The following SSC4D variants were observed in gnomAD, a reference collection of about 807,000 sequenced individuals.
The protein encoded by SSC4D is scavenger receptor cysteine rich family member with 4 domains.
In SSC4D, 57 loss-of-function variants were observed where a neutral mutation model predicts 63.4. The observed-to-expected ratio is 0.90, with a 90% CI of 0.73 to 1.12. The LOEUF (loss-of-function observed/expected upper bound fraction) is 1.12, where lower values mean the gene tolerates loss of function less well. Among genes scored for constraint, SSC4D ranks in the 50% most tolerant of loss-of-function variants. The pLI is 0.00. For synonymous variants in SSC4D, 352 were observed against 345.4 expected (o/e 1.02, Z -0.21); for missense variants, 791 against 806.4 (o/e 0.98, Z 0.23).
intron 4 of SSC4D, 114 bp from the exon 5 acceptor site, chr7:76,398,911 GC>G: frequency 2.9e-6 from 3 of 1,040,964 alleles, no homozygotes; most frequent in Non-Finnish European, 4.3e-6. Flanking sequence ...AGAGCCTCTG[GC>G]CACACAAAGA....
Position 76,401,426 on chromosome 7 carries a change from C to A in SSC4D, c.134-383G>T, listed in dbSNP as rs933926743. On this transcript the variant is annotated intron_variant, in intron 2 of 10. Coordinates refer to ENST00000275560, the MANE Select transcript of SSC4D (RefSeq NM_080744.2). ...AGCCTCGCCTTTTTTCTTTTCTTTT[C>A]TTTTTTTGAGACAAAGTCTCACTCT... 2.1e-5 allele frequency among the ~76,000 whole-genome samples: 3 copies of A among 142,302 alleles called. No homozygotes were observed. The South Asian group carries it at 7.0e-4, about 33-fold the overall frequency. The allele number at this position is 142,302 out of a possible 152,430, so 93.4% of individuals were successfully genotyped here. A position where few individuals can be genotyped will look rare whatever the true frequency, so the allele number is the denominator to read the frequency against.
In SSC4D at chr7:76,398,784, C is replaced by T. The variant is rs373855717; in HGVS notation, c.489G>A (p.Thr163=). The T allele has an allele frequency of 4.3e-6, 7 of 1,612,458 alleles. No homozygotes were observed. In the African/African-American group the frequency reaches 6.7e-5, roughly 15 times the overall value. ...VAVLCDEFLP[T]QPPTRKMLTS... ...TTAACATCTTCCTTGTTGGGGGCTG[C>T]GTTGGCAAGAATTCTGGAAAGGAAG... Residue 163 remains threonine, a synonymous_variant, in exon 5 of 11, where the codon ACG becomes ACA. Transcript: ENST00000275560.
intron 10 of SSC4D, among the ~76,000 whole-genome samples, chr7:76,391,673 TCCCAGAA>T (rs904751379): frequency 1.3e-5 from 2 of 152,078 alleles, no homozygotes; most frequent in Admixed American, 1.3e-4. Flanking sequence ...CCCCCTGGGC[TCCCAGAA>T]CTATATTCTG....
chr7:76,390,952 T>C (rs1161601475), intron 10 of SSC4D, among the ~76,000 whole-genome samples: 1 of 151,932 alleles, frequency 6.6e-6, no homozygotes, highest in Non-Finnish European at 1.5e-5. Context: ...CAAGACCCTG[T>C]CTCTAAAAAC....
intron 1 of SSC4D, among the ~76,000 whole-genome samples, chr7:76,407,074 C>T (rs1160521052): frequency 6.6e-6 from 1 of 152,058 alleles, no homozygotes; most frequent in Non-Finnish European, 1.5e-5. Flanking sequence ...AATTCTTCTG[C>T]CTCAGCCTCC....
chr7:76,395,142 C>CCCTG, intron 7 of SSC4D, 111 bp downstream of exon 7: 1 of 1,270,646 alleles, frequency 7.9e-7, no homozygotes, highest in South Asian at 1.3e-5. Flanking sequence ...CTGGCCAAAG[C>CCCTG]CCTGGCCTGT....
intron 1 of SSC4D, 81 bp from the exon 2 acceptor site, chr7:76,404,586 G>A: frequency 8.1e-7 from 1 of 1,232,786 alleles, no homozygotes; most frequent in Admixed American, 1.9e-5. Flanking sequence ...GCACCCAGGG[G>A]TTTGAGATCA....
chr7:76,395,449 G>T (rs2115754344), intron 6 of SSC4D, 119 bp from the exon 7 acceptor site: 2 of 1,042,142 alleles, frequency 1.9e-6, no homozygotes, highest in South Asian at 1.4e-5. Flanking sequence ...GTTACTTCCA[G>T]GGCTGGTGGC....
Position 76,397,851 on chromosome 7 carries a change from G to T in SSC4D, c.554-19C>A. ...CCCTCACCTGGGGATGGGGGCGGGG[G>T]TCAGGGCGCATCTCCCACTGGCCTC... is the stretch of plus-strand genomic sequence containing the variant. On this transcript the variant is annotated intron_variant, in intron 5 of 10. Coordinates refer to ENST00000275560, the MANE Select transcript of SSC4D (RefSeq NM_080744.2). 6.6e-7 allele frequency: 1 copy of T among 1,516,976 alleles called. No individual in the cohort carries two copies. Among genetic ancestry groups the T allele is most frequent in the Non-Finnish European group, 8.9e-7 (1 of 1,127,800 alleles). The allele number at this position is 1,516,976 out of a possible 1,614,324, so 94.0% of individuals were successfully genotyped here. A position where few individuals can be genotyped will look rare whatever the true frequency, so the allele number is the denominator to read the frequency against.
intron 1 of SSC4D, among the ~76,000 whole-genome samples, chr7:76,408,094 G>C (rs754231241): frequency 3.3e-5 from 5 of 152,172 alleles, no homozygotes; most frequent in Non-Finnish European, 7.3e-5. Flanking sequence ...AGGAGGCGGC[G>C]GTAGAGAGGA....
chr7:76,390,829 A>T (rs1804480639), intron 10 of SSC4D, among the ~76,000 whole-genome samples: 1 of 151,698 alleles, frequency 6.6e-6, no homozygotes, highest in East Asian at 1.9e-4. Flanking sequence ...AAAAACAAAA[A>T]AGAAGATTGG....
At chr7:76,407,873 C>G (rs57966166) in intron 1 of SSC4D, among the ~76,000 whole-genome samples, 64,389 of 152,044 alleles carry the variant, frequency 0.42, 13,846 homozygotes, top group South Asian at 0.53. Flanking sequence ...GCATTGTGTG[C>G]ACTGTGGACT....
At position 76,400,573 on chromosome 7, in the gene SSC4D, C is replaced by A; in HGVS notation, c.188G>T (p.Gly63Val). ...CAGGCGGCCCCGGCAGCGGCTGGGG[C>A]CCCCCACCAGCCTCAGCTCTGTGAA... The part of the protein sequence containing the change: ...LPFQELRLVG[G>V]PSRCRGRLEV... Residue 63 changes from glycine to valine, a missense_variant, in exon 4 of 11, where the codon GGC becomes GTC. Transcript: ENST00000275560. The A allele has an allele frequency of 6.8e-7, 1 of 1,480,768 alleles. No homozygotes were observed. The highest frequency in any genetic ancestry group is 9.0e-7 in the Non-Finnish European group (1 of 1,111,504). 91.7% of individuals were successfully genotyped at this position (1,480,768 alleles called of 1,614,324 possible).
intron 7 of SSC4D, among the ~76,000 whole-genome samples, 158 bp from the exon 8 acceptor site, chr7:76,394,062 G>A (rs943905132): frequency 2.6e-5 from 4 of 152,076 alleles, no homozygotes; most frequent in Non-Finnish European, 4.4e-5. Flanking sequence ...GCGCGGGTTG[G>A]GATCTCCGGG....
chr7:76,406,017 G>A (rs142253055), intron 1 of SSC4D, among the ~76,000 whole-genome samples: 6 of 146,234 alleles, frequency 4.1e-5, no homozygotes, highest in African/African-American at 1.0e-4. Context: ...ATGGAGTCTC[G>A]CTCTGTCGTC....
intron 5 of SSC4D, among the ~76,000 whole-genome samples, chr7:76,398,364 C>T (rs541161159): frequency 9.1e-4 from 133 of 146,786 alleles, no homozygotes; most frequent in Non-Finnish European, 1.5e-3. Flanking sequence ...GGCTAGAGTA[C>T]AGTGGCATGA....
Position 76,390,290 on chromosome 7 carries a change from A to G in SSC4D, c.1497T>C (p.Asp499=), listed in dbSNP as rs1300417961. 3 of 1,613,894 alleles carry G rather than the reference A, an allele frequency of 1.9e-6. No homozygotes were observed. The highest frequency in any genetic ancestry group is 2.5e-6 in the Non-Finnish European group (3 of 1,179,962). The change falls in exon 11 of 11, where the codon GAT becomes GAC. Residue 499 remains aspartate (D), a synonymous_variant. Coordinates refer to ENST00000275560, the MANE Select transcript of SSC4D (RefSeq NM_080744.2). The part of the protein sequence containing the change: ...YLGQRWGTVC[D]DAWDLRAAGV... ...CGGCTGCCCGCAGGTCCCAAGCATC[A>G]TCACAGACAGTGCCCCACCGTTGCC... is the stretch of plus-strand genomic sequence containing the variant.
intron 3 of SSC4D, among the ~76,000 whole-genome samples, 190 bp from the exon 4 acceptor site, chr7:76,400,781 C>G (rs1343193945): frequency 1.3e-5 from 2 of 152,168 alleles, no homozygotes; most frequent in Non-Finnish European, 2.9e-5. Flanking sequence ...GCGCTAGGAT[C>G]ACAGACGTGC....
At chr7:76,398,917 CAA>C (rs941225865) in intron 4 of SSC4D, 120 bp from the exon 5 acceptor site, 3 of 954,508 alleles carry the variant, frequency 3.1e-6, no homozygotes, top group East Asian at 5.0e-5. Flanking sequence ...TCTGGCCACA[CAA>C]AGAGTCACAG....
Sources: gnomAD v4.1 joint callset for allele counts (sites outside exome capture counted in the v4.1 genomes callset) on GRCh38, gnomAD v4.1.1 for gene constraint, MANE v1.5 for transcripts, NCBI Gene and HGNC (gene_info 2026-07-23, HGNC 2026-07-21) for gene names.